The following CCDC148 variants were observed in gnomAD, a reference collection of about 807,000 sequenced individuals.
The protein encoded by CCDC148 is coiled-coil domain-containing protein 148.
Under a neutral mutation model 85.7 loss-of-function variants are expected in CCDC148, and 89 were observed. That is an observed-to-expected ratio of 1.04 (90% CI 0.87 to 1.24). The LOEUF (loss-of-function observed/expected upper bound fraction) is 1.24. Among genes scored for constraint, CCDC148 ranks in the 50% most tolerant of loss-of-function variants. The pLI, the probability that CCDC148 is intolerant of heterozygous loss-of-function variation, is 0.00. For missense variants in CCDC148, 692 were observed against 671.7 expected (o/e 1.03, Z -0.33); for synonymous variants, 230 against 213.9 (o/e 1.08, Z -0.66).
intron 7 of CCDC148, among the ~76,000 whole-genome samples, chr2:158,331,811 A>G (rs932585642): frequency 2.0e-5 from 3 of 152,122 alleles, no homozygotes; most frequent in African/African-American, 7.2e-5. Context: ...CTGTTTTATC[A>G]GAGACTAGGA....
chr2:158,350,860 A>G (rs947000852), intron 2 of CCDC148, among the ~76,000 whole-genome samples: 1 of 152,124 alleles, frequency 6.6e-6, no homozygotes, highest in African/African-American at 2.4e-5. Context: ...TTGCACGGCC[A>G]TCGTCGTGTG....
intron 1 of CCDC148, among the ~76,000 whole-genome samples, chr2:158,388,096 A>G (rs1685164234): frequency 6.6e-6 from 1 of 152,224 alleles, no homozygotes; most frequent in Non-Finnish European, 1.5e-5. Context: ...GATAATGCAC[A>G]TCAACAGAAA....
intron 1 of CCDC148, among the ~76,000 whole-genome samples, chr2:158,448,382 C>A (rs1457909229): frequency 1.3e-5 from 2 of 150,602 alleles, no homozygotes; most frequent in African/African-American, 4.9e-5. Context: ...GGGTCTCATT[C>A]TGTTATCCAG....
In CCDC148 at chr2:158,421,057, A is replaced by G. The variant is rs187346269; in HGVS notation, c.25+35358T>C. ...AGCTAACTATCCTAAATATATATGC[A>G]CTCAATACAGGAGCACCCAGATTCA... On this transcript the variant is annotated intron_variant, in intron 1 of 13. Transcript: ENST00000283233. 2.8e-3 allele frequency among the ~76,000 whole-genome samples: 419 copies of G among 152,310 alleles called. 1 individual carries two copies. The highest frequency in any genetic ancestry group is 4.4e-3 in the Non-Finnish European group (300 of 68,032).
chr2:158,332,808 G>A (rs1693208207), intron 7 of CCDC148, among the ~76,000 whole-genome samples: 1 of 152,028 alleles, frequency 6.6e-6, no homozygotes, highest in African/African-American at 2.4e-5. Context: ...AGATTTTCTA[G>A]TTTATTTGCG....
chr2:158,439,206 G>T (rs1003010464), intron 1 of CCDC148, among the ~76,000 whole-genome samples: 1 of 152,158 alleles, frequency 6.6e-6, no homozygotes. Context: ...ATTCACAATA[G>T]CAAAGGCTTG....
Position 158,171,174 on chromosome 2 carries a change from C to T in CCDC148, c.*939G>A, listed in dbSNP as rs1221722450. ...CAAAGATTCCACTAGTTGGATTGGG[C>T]TTTTTTTTTTTTACATTATTCCAGT... is the stretch of plus-strand genomic sequence containing the variant. On this transcript the variant is annotated 3_prime_UTR_variant, in exon 14 of 14. Coordinates refer to ENST00000283233, the MANE Select transcript of CCDC148 (RefSeq NM_138803.4). 2 of 148,228 alleles carry T rather than the reference C, an allele frequency of 1.3e-5. No homozygotes were observed. The highest frequency in any genetic ancestry group is 3.0e-5 in the Non-Finnish European group (2 of 67,012). The allele number at this position is 148,228 out of a possible 1,614,324, so 9.2% of individuals were successfully genotyped here. A position where few individuals can be genotyped will look rare whatever the true frequency, so the allele number is the denominator to read the frequency against.
At chr2:158,251,102 C>A (rs1688775422) in intron 9 of CCDC148, among the ~76,000 whole-genome samples, 190 bp from the exon 10 acceptor site, 1 of 151,676 alleles carries the variant, frequency 6.6e-6, no homozygotes, top group Non-Finnish European at 1.5e-5. Context: ...GAAAAAGCAA[C>A]TTTAAAATCA....
intron 2 of CCDC148, among the ~76,000 whole-genome samples, 172 bp downstream of exon 2, chr2:158,358,277 A>G (rs1388844401): frequency 6.6e-6 from 1 of 152,194 alleles, no homozygotes; most frequent in East Asian, 1.9e-4. Context: ...TAAACTATAT[A>G]ATGGTGTCCG....
At chr2:158,293,392 GAAACAGC>G (rs1690986925) in intron 9 of CCDC148, among the ~76,000 whole-genome samples, 1 of 152,164 alleles carries the variant, frequency 6.6e-6, no homozygotes, top group South Asian at 2.1e-4. Flanking sequence ...CTGACCTATA[GAAACAGC>G]AAATTGACAT....
intron 10 of CCDC148, among the ~76,000 whole-genome samples, chr2:158,236,481 C>G (rs1446733761): frequency 3.3e-5 from 5 of 152,136 alleles, no homozygotes. Context: ...TGTTTAATTT[C>G]TCTCTTTTCA....
chr2:158,420,918 A>G (rs1686747932), intron 1 of CCDC148, among the ~76,000 whole-genome samples: 1 of 152,162 alleles, frequency 6.6e-6, no homozygotes, highest in South Asian at 2.1e-4. Context: ...AAAACAAAAA[A>G]AAAAGCAGGG....
intron 9 of CCDC148, among the ~76,000 whole-genome samples, chr2:158,308,320 T>C (rs1158914552): frequency 6.6e-6 from 1 of 152,244 alleles, no homozygotes; most frequent in African/African-American, 2.4e-5. Flanking sequence ...CAATAACTTG[T>C]CATGGCCCCT....
intron 11 of CCDC148, among the ~76,000 whole-genome samples, chr2:158,180,091 AG>A (rs2105262600): frequency 6.6e-6 from 1 of 152,264 alleles, no homozygotes; most frequent in African/African-American, 2.4e-5. Context: ...GGGGAGTATT[AG>A]CTCTCCACCT....
rs550719598 is a variant in CCDC148, at chr2:158,377,586, C to T, written c.26-19016G>A. Among the ~76,000 whole-genome samples the T allele has an allele frequency of 4.6e-5, 7 of 152,054 alleles. No homozygotes were observed. In the East Asian group the frequency reaches 1.4e-3, roughly 29 times the overall value. On this transcript the variant is annotated intron_variant, in intron 1 of 13. Transcript: ENST00000283233. ...GGTGGGTATCTAGGGGGCTATCTGG[C>T]GACATACAGGCATACCTTGTTTTGT...
At chr2:158,173,351 T>C (rs1347133417) in intron 13 of CCDC148, among the ~76,000 whole-genome samples, 1 of 152,028 alleles carries the variant, frequency 6.6e-6, no homozygotes, top group Non-Finnish European at 1.5e-5. Flanking sequence ...GACTTGAACT[T>C]AAAAGGCTTG....
chr2:158,366,142 T>TA, intron 1 of CCDC148: 3 of 1,165,582 alleles, frequency 2.6e-6, no homozygotes, highest in Non-Finnish European at 3.6e-6. Flanking sequence ...AAAGCTGTGT[T>TA]ACTTGAAGTA....
intron 1 of CCDC148, chr2:158,366,071 C>T (rs746493961): frequency 3.6e-4 from 559 of 1,534,530 alleles, no homozygotes; most frequent in Non-Finnish European, 4.6e-4. Flanking sequence ...TTCATGTTTT[C>T]CGTATCTGTT....
At chr2:158,306,704 G>A (rs570216971) in intron 9 of CCDC148, among the ~76,000 whole-genome samples, 1 of 152,114 alleles carries the variant, frequency 6.6e-6, no homozygotes, top group East Asian at 1.9e-4. Context: ...GGGAGGGAAA[G>A]CATTAGGAGA....
Sources: allele counts gnomAD v4.1 joint callset (sites outside exome capture counted in the v4.1 genomes callset), GRCh38; gene constraint gnomAD v4.1.1; transcripts MANE v1.5; gene names NCBI Gene and HGNC (gene_info 2026-07-23, HGNC 2026-07-21).